Variants in PUM3 observed in about 807,000 individuals in gnomAD.
PUM3 encodes pumilio RNA binding family member 3.
In PUM3, 91 loss-of-function variants were observed where a neutral mutation model predicts 84.0. That is an observed-to-expected ratio of 1.08 (90% CI 0.91 to 1.29). PUM3 has a LOEUF of 1.29. PUM3 is among the 50% of genes most tolerant of loss of function. PUM3 has a pLI of 0.00. For synonymous variants in PUM3, 321 were observed against 266.7 expected, an observed-to-expected ratio of 1.20 and a Z score of -1.98; for missense variants, 1,067 against 767.5, an observed-to-expected ratio of 1.39 and a Z score of -4.61.
At chr9:2,819,910 T>C (rs965267307) in intron 13 of PUM3, 108 bp downstream of exon 13, 8 of 614,102 alleles carry the variant, frequency 1.3e-5, no homozygotes, top group Admixed American at 1.0e-4. Context: ...AAAATACTGA[T>C]AGAAGGCACA....
chr9:2,824,573 T>C, intron 11 of PUM3, 144 bp downstream of exon 11: 2 of 431,468 alleles, frequency 4.6e-6, no homozygotes, highest in South Asian at 9.6e-5. Flanking sequence ...CCCATCAGGC[T>C]CTAAGGCACA....
intron 12 of PUM3, 51 bp from the exon 13 acceptor site, chr9:2,820,149 C>A (rs1359409877): frequency 9.1e-7 from 1 of 1,096,720 alleles, no homozygotes. Flanking sequence ...ATAGATCTTC[C>A]CTCTTATTTC....
chr9:2,807,354 C>T (rs920911916), intron 17 of PUM3, among the ~76,000 whole-genome samples: 1 of 151,916 alleles, frequency 6.6e-6, no homozygotes, highest in African/African-American at 2.4e-5. Flanking sequence ...CCAGCACTTT[C>T]GGAGGTCAAG....
chr9:2,827,855 T>A (rs1325625333), intron 9 of PUM3, among the ~76,000 whole-genome samples: 1 of 152,148 alleles, frequency 6.6e-6, no homozygotes, highest in East Asian at 1.9e-4. Flanking sequence ...TTTACAAATA[T>A]GGTAATTGAG....
intron 16 of PUM3, among the ~76,000 whole-genome samples, chr9:2,809,149 G>A (rs1434133108): frequency 6.6e-6 from 1 of 152,118 alleles, no homozygotes; most frequent in African/African-American, 2.4e-5. Flanking sequence ...ACCAGACCCT[G>A]ATCAAGTCAT....
At position 2,838,393 on chromosome 9, in the gene PUM3, C is replaced by A. The variant is rs932000866; in HGVS notation, c.82+33G>T. On this transcript the variant is annotated intron_variant, in intron 2 of 17. Transcript: ENST00000397885. ...ATGCCCTCCCATCCCCCAATTATAA[C>A]AGCCAAACACCCACATGGGAAGCAT... 2.7e-6 allele frequency: 4 copies of A among 1,461,270 alleles called. No individual in the cohort carries two copies. In the African/African-American group the frequency reaches 5.6e-5, roughly 20 times the overall value. 90.5% of individuals were successfully genotyped at this position (1,461,270 alleles called of 1,614,324 possible).
chr9:2,811,148 T>C (rs1267401025), intron 15 of PUM3, among the ~76,000 whole-genome samples: 1 of 152,210 alleles, frequency 6.6e-6, no homozygotes, highest in Non-Finnish European at 1.5e-5. Context: ...CATAAGCAAA[T>C]TCACATCTGT....
rs530875113 is a variant in PUM3 at position 2,839,403 on chromosome 9, C to T, written c.-10-886G>A. Among the ~76,000 whole-genome samples, 4 of 152,178 alleles carry T rather than the reference C, an allele frequency of 2.6e-5. No homozygotes were observed. The South Asian group carries it at 8.3e-4, about 32-fold the overall frequency. On this transcript the variant is annotated intron_variant, in intron 1 of 17. Transcript: ENST00000397885. ...AAGAACTAATTTCTCAGGATATTAC[C>T]ATAAGAGAAAAGAAGGGTTCTGGGA...
chr9:2,833,426 G>A lies in PUM3; in HGVS notation c.447C>T (p.Asp149=). 3 of 1,561,078 alleles carry A rather than the reference G, an allele frequency of 1.9e-6. No individual in the cohort carries two copies. The highest frequency in any genetic ancestry group is 2.6e-6 in the Non-Finnish European group (3 of 1,136,882). The change falls in exon 5 of 18, where the codon GAC becomes GAT. Residue 149 remains aspartate (D), a synonymous_variant. Coordinates refer to ENST00000397885, the MANE Select transcript of PUM3 (RefSeq NM_014878.5). ...KQMWEILRRK[D]CDKEKRVKLM... ...ACTTTACTCTTTTTTCTTTGTCACAGTCTTTTCTACAAATGAGGAGAGGAA... is the reference window on the plus strand; with the variant it reads ...ACTTTACTCTTTTTTCTTTGTCACAATCTTTTCTACAAATGAGGAGAGGAA...
At chr9:2,820,482 T>A (rs77247229) in intron 12 of PUM3, among the ~76,000 whole-genome samples, 6,117 of 152,136 alleles carry the variant, frequency 0.04, 135 homozygotes, top group East Asian at 0.07. Context: ...TAAACACATA[T>A]ATGATACTCC....
intron 10 of PUM3, among the ~76,000 whole-genome samples, chr9:2,826,192 A>AT (rs1815816012): frequency 6.6e-6 from 1 of 151,864 alleles, no homozygotes. Flanking sequence ...GTTCCAAATG[A>AT]TTTTTTGCTG....
chr9:2,811,308 G>A (rs929404841), intron 15 of PUM3, 53 bp downstream of exon 15: 14 of 1,546,016 alleles, frequency 9.1e-6, no homozygotes, highest in African/African-American at 6.8e-5. Flanking sequence ...GTCCAAAAAC[G>A]AAGTTTTTGT....
chr9:2,835,033 A>C (rs551400142), intron 3 of PUM3, among the ~76,000 whole-genome samples: 2 of 151,984 alleles, frequency 1.3e-5, no homozygotes, highest in Non-Finnish European at 2.9e-5. Flanking sequence ...AAAAAAGAAA[A>C]GAAAAACCCT....
At chr9:2,809,424 T>A (rs1307750668) in intron 16 of PUM3, among the ~76,000 whole-genome samples, 2 of 152,184 alleles carry the variant, frequency 1.3e-5, no homozygotes, top group African/African-American at 4.8e-5. Context: ...CCATATGTTA[T>A]TTTTTTCTTT....
chr9:2,824,879 T>G, intron 10 of PUM3, 64 bp from the exon 11 acceptor site: 6 of 1,204,624 alleles, frequency 5.0e-6, no homozygotes, highest in Non-Finnish European at 6.8e-6. Context: ...CTGTTTTATC[T>G]GTCTGTCTAC....
intron 1 of PUM3, among the ~76,000 whole-genome samples, chr9:2,838,961 T>C (rs1227151127): frequency 6.6e-6 from 1 of 152,180 alleles, no homozygotes; most frequent in African/African-American, 2.4e-5. Flanking sequence ...TACCACTACA[T>C]GCATTTAATA....
chr9:2,810,253 G>C, intron 16 of PUM3, 91 bp downstream of exon 16: 1 of 814,600 alleles, frequency 1.2e-6, no homozygotes, highest in Non-Finnish European at 2.1e-6. Flanking sequence ...AACTTCATTT[G>C]AGCTTAAATG....
intron 10 of PUM3, 90 bp downstream of exon 10, chr9:2,826,983 C>G (rs969600535): frequency 1.9e-5 from 18 of 961,472 alleles, no homozygotes; most frequent in Non-Finnish European, 2.8e-5. Context: ...CTAAAATTTC[C>G]ACAAGACAAC....
chr9:2,827,754 T>G (rs1220222761), intron 9 of PUM3, among the ~76,000 whole-genome samples: 1 of 152,222 alleles, frequency 6.6e-6, no homozygotes, highest in African/African-American at 2.4e-5. Flanking sequence ...ACTGCCTTTA[T>G]GGGCAAAGCA....
Sources: gnomAD v4.1 joint callset for allele counts (sites outside exome capture counted in the v4.1 genomes callset) on GRCh38, gnomAD v4.1.1 for gene constraint, MANE v1.5 for transcripts, NCBI Gene and HGNC (gene_info 2026-07-23, HGNC 2026-07-21) for gene names.